The following GALNTL6 variants were observed in gnomAD, a reference collection of about 807,000 sequenced individuals.
GALNTL6 encodes polypeptide N-acetylgalactosaminyltransferase-like 6.
A neutral mutation model predicts 73.7 loss-of-function variants in GALNTL6; 46 were observed. That is an observed-to-expected ratio of 0.62 (90% CI 0.49 to 0.80). GALNTL6 has a LOEUF of 0.80. Ranked by LOEUF, GALNTL6 falls within the 30% of genes least tolerant of loss-of-function variation. The pLI, the probability that GALNTL6 is intolerant of heterozygous loss-of-function variation, is 0.00. For synonymous variants in GALNTL6, 259 were observed against 263.7 expected (o/e 0.98, Z 0.17); for missense variants, 604 against 755.0 (o/e 0.80, Z 2.34).
intron 2 of GALNTL6, among the ~76,000 whole-genome samples, chr4:171,955,197 A>G (rs1739005299): frequency 6.6e-6 from 1 of 152,178 alleles, no homozygotes; most frequent in African/African-American, 2.4e-5. Context: ...TTTACATTGC[A>G]AGAAACAAAA....
intron 2 of GALNTL6, among the ~76,000 whole-genome samples, chr4:172,166,196 C>T (rs1202793543): frequency 6.6e-6 from 1 of 152,074 alleles, no homozygotes; most frequent in African/African-American, 2.4e-5. Flanking sequence ...TGGAGGCTCA[C>T]GCCTGTAATC....
At chr4:172,746,939 G>C (rs1454890431) in intron 5 of GALNTL6, among the ~76,000 whole-genome samples, 2 of 151,974 alleles carry the variant, frequency 1.3e-5, no homozygotes, top group Non-Finnish European at 2.9e-5. Context: ...CTTCTATATA[G>C]AAAATCCTAA....
chr4:172,744,544 A>T (rs7665775), intron 5 of GALNTL6, among the ~76,000 whole-genome samples: 265 of 152,234 alleles, frequency 1.7e-3, no homozygotes, highest in African/African-American at 6.3e-3. Context: ...TGGTCACCAG[A>T]TCTAGAAGAT....
At chr4:172,595,971 T>C (rs950739896) in intron 5 of GALNTL6, among the ~76,000 whole-genome samples, 3 of 152,058 alleles carry the variant, frequency 2.0e-5, no homozygotes, top group Non-Finnish European at 4.4e-5. Context: ...AATAAGCATA[T>C]AAACTTATAT....
Position 171,882,790 on chromosome 4 carries a change from A to C in GALNTL6, c.138+68072A>C, listed in dbSNP as rs1221643379. 2.0e-5 allele frequency among the ~76,000 whole-genome samples: 3 copies of C among 152,214 alleles called. No homozygotes were observed. The East Asian group carries it at 5.8e-4, about 29-fold the overall frequency. Reference sequence around the variant, plus strand: ...TTTGGCAACACCCTCACAGCCACCCAGGAACAATACTTTGCATCCTTTAAG... The same window carrying C: ...TTTGGCAACACCCTCACAGCCACCCCGGAACAATACTTTGCATCCTTTAAG... On this transcript the variant is annotated intron_variant, in intron 2 of 12. Transcript: ENST00000506823.
At chr4:172,832,101 C>G in intron 7 of GALNTL6, among the ~76,000 whole-genome samples, 1 of 152,164 alleles carries the variant, frequency 6.6e-6, no homozygotes, top group East Asian at 1.9e-4. Context: ...TGCGTGGACA[C>G]TAGATTTGTC....
intron 7 of GALNTL6, among the ~76,000 whole-genome samples, chr4:172,837,779 A>G (rs894447100): frequency 2.0e-5 from 3 of 152,232 alleles, no homozygotes; most frequent in Non-Finnish European, 4.4e-5. Context: ...AGAAATATAG[A>G]TGAGGAAAGG....
In GALNTL6 at chr4:172,311,638, A is replaced by G; in HGVS notation, c.272A>G (p.Tyr91Cys). The change falls in exon 4 of 13, where the codon TAC becomes TGC. Residue 91 changes from tyrosine to cysteine, a missense_variant. By Grantham distance (194) the Tyr-to-Cys change is radical (BLOSUM62 -2). This residue lies in a region of GALNTL6 where 141 missense variants were observed against 156.6 expected (regional missense o/e 0.90). Coordinates refer to ENST00000506823, the MANE Select transcript of GALNTL6 (RefSeq NM_001034845.3). Reference protein sequence around the residue: ...RSGKGEHGKPYPLTEEDHDDS... With the variant: ...RSGKGEHGKPCPLTEEDHDDS... ...GGGAAAGGTGAACATGGGAAACCTT[A>G]CCCCCTTACTGAAGAGGACCATGAT... The G allele has an allele frequency of 6.2e-7, 1 of 1,609,348 alleles. No homozygotes were observed. The highest frequency in any genetic ancestry group is 8.5e-7 in the Non-Finnish European group (1 of 1,177,762).
At chr4:172,733,217 T>G (rs1378154448) in intron 5 of GALNTL6, among the ~76,000 whole-genome samples, 5 of 152,226 alleles carry the variant, frequency 3.3e-5, no homozygotes, top group African/African-American at 1.2e-4. Flanking sequence ...GGGTGGCAGT[T>G]TTTTCTTTGA....
intron 2 of GALNTL6, among the ~76,000 whole-genome samples, chr4:172,199,065 C>G (rs1362968394): frequency 6.6e-6 from 1 of 152,124 alleles, no homozygotes; most frequent in Non-Finnish European, 1.5e-5. Flanking sequence ...CATGTTACCA[C>G]CTGTGACCCC....
chr4:172,267,683 A>G (rs1339420003), intron 3 of GALNTL6, among the ~76,000 whole-genome samples: 2 of 151,988 alleles, frequency 1.3e-5, no homozygotes, highest in African/African-American at 4.8e-5. Context: ...TCCTTGAAAG[A>G]CTCTACATCT....
At chr4:172,533,086 A>C (rs1735222227) in intron 5 of GALNTL6, among the ~76,000 whole-genome samples, 1 of 143,588 alleles carries the variant, frequency 7.0e-6, no homozygotes, top group African/African-American at 2.6e-5. Flanking sequence ...ATCTCGGCTT[A>C]CCACAACCTC....
At chr4:172,252,145 G>T (rs1236335193) in intron 3 of GALNTL6, among the ~76,000 whole-genome samples, 1 of 152,076 alleles carries the variant, frequency 6.6e-6, no homozygotes, top group East Asian at 1.9e-4. Flanking sequence ...AATATAAAAA[G>T]AAAGTATAAT....
chr4:172,280,020 T>C (rs1738986162), intron 3 of GALNTL6, among the ~76,000 whole-genome samples: 1 of 152,092 alleles, frequency 6.6e-6, no homozygotes, highest in African/African-American at 2.4e-5. Context: ...ATATTACATA[T>C]CTGGAGTAGT....
chr4:172,445,873 T>C (rs983310514), intron 5 of GALNTL6, among the ~76,000 whole-genome samples: 2 of 152,164 alleles, frequency 1.3e-5, no homozygotes, highest in African/African-American at 4.8e-5. Flanking sequence ...GAGAAGAAGA[T>C]GGCTAAATGC....
intron 5 of GALNTL6, among the ~76,000 whole-genome samples, chr4:172,415,332 A>T (rs1238641986): frequency 2.6e-5 from 4 of 152,214 alleles, no homozygotes; most frequent in African/African-American, 9.6e-5. Context: ...CTCAGTGGCC[A>T]GTAGCTTATC....
chr4:172,471,593 A>G (rs1733053851), intron 5 of GALNTL6, among the ~76,000 whole-genome samples: 1 of 152,120 alleles, frequency 6.6e-6, no homozygotes, highest in African/African-American at 2.4e-5. Context: ...TTACCCAACA[A>G]ATATGTAGTG....
At chr4:172,156,338 A>G (rs1734260231) in intron 2 of GALNTL6, among the ~76,000 whole-genome samples, 3 of 151,834 alleles carry the variant, frequency 2.0e-5, no homozygotes, top group Admixed American at 6.6e-5. Context: ...TTAAGCTTTC[A>G]GGCCCCGGGG....
chr4:172,159,377 C>T (rs73870457), intron 2 of GALNTL6, among the ~76,000 whole-genome samples: 1 of 152,016 alleles, frequency 6.6e-6, no homozygotes, highest in Admixed American at 6.6e-5. Context: ...AAGAAATAAT[C>T]GTACAAATAA....
Sources: gnomAD v4.1 joint callset for allele counts (sites outside exome capture counted in the v4.1 genomes callset) on GRCh38, gnomAD v4.1.1 for gene constraint, gnomAD v4.1.1 regional missense constraint, MANE v1.5 for transcripts, NCBI Gene and HGNC (gene_info 2026-07-23, HGNC 2026-07-21) for gene names.